The following EFCAB7 variants were observed in gnomAD, a reference collection of about 807,000 sequenced individuals.
The protein encoded by EFCAB7 is EF-hand calcium binding domain 7, also known as EF-hand calcium-binding domain-containing protein 7.
A neutral mutation model predicts 77.1 loss-of-function variants in EFCAB7; 66 were observed. That is an observed-to-expected ratio of 0.86 (90% CI 0.70 to 1.05). The LOEUF (loss-of-function observed/expected upper bound fraction) is 1.05. Among genes scored for constraint, EFCAB7 ranks in the 50% least tolerant of loss-of-function variants. The pLI, the probability that EFCAB7 is intolerant of heterozygous loss-of-function variation, is 0.00. For missense variants in EFCAB7, 638 were observed against 730.5 expected, an observed-to-expected ratio of 0.87 and a Z score of 1.46; for synonymous variants, 225 against 243.3, an observed-to-expected ratio of 0.92 and a Z score of 0.70.
At chr1:63,539,348 C>T (rs188515077) in intron 6 of EFCAB7, among the ~76,000 whole-genome samples, 135 of 152,228 alleles carry the variant, frequency 8.9e-4, no homozygotes, top group African/African-American at 3.2e-3. Context: ...TTTGCAGCTA[C>T]TAAATTCTAC....
intron 4 of EFCAB7, among the ~76,000 whole-genome samples, 181 bp from the exon 5 acceptor site, chr1:63,533,273 A>G (rs1179290272): frequency 2.0e-5 from 3 of 152,186 alleles, no homozygotes; most frequent in African/African-American, 7.2e-5. Flanking sequence ...AATCACGGCT[A>G]CATTTCACTA....
At chr1:63,579,114 T>C in the EFCAB7 span, among the ~76,000 whole-genome samples, 2 of 152,146 alleles carry the variant, frequency 1.3e-5, no homozygotes, top group Non-Finnish European at 2.9e-5. Flanking sequence ...GTTCTATTAA[T>C]GTAACACATG....
Position 63,572,478 on chromosome 1 carries a change from G to A in EFCAB7, c.1852G>A (p.Glu618Lys). ...TGTAATGCCTTTGAATGAACGACAA[G>A]AATGGATATATTATTGTATATATTC... Reference protein sequence around the residue: ...QHVMPLNERQEWIYYCIYSLI... With the variant: ...QHVMPLNERQKWIYYCIYSLI... Residue 618 changes from glutamate (E) to lysine (K), a missense_variant, in exon 14 of 14, where the codon GAA becomes AAA. Glu to Lys is a moderately conservative substitution (Grantham distance 56). Coordinates refer to ENST00000371088, the MANE Select transcript of EFCAB7 (RefSeq NM_032437.4). The A allele has an allele frequency of 1.9e-6, 3 of 1,566,670 alleles. No homozygotes were observed. The highest frequency in any genetic ancestry group is 2.6e-6 in the Non-Finnish European group (3 of 1,154,290).
In EFCAB7 at chr1:63,544,808, C is replaced by G. The variant is rs368934290; in HGVS notation, c.805-1108C>G. On this transcript the variant is annotated intron_variant, in intron 6 of 13. Coordinates refer to ENST00000371088, the MANE Select transcript of EFCAB7 (RefSeq NM_032437.4). ...AGTCATTTTTTCTTTCAATATATTTCTTTTAGCAATCCTTAATTCTTCCTT... is the reference window on the plus strand; with the variant it reads ...AGTCATTTTTTCTTTCAATATATTTGTTTTAGCAATCCTTAATTCTTCCTT... Among the ~76,000 whole-genome samples the G allele has an allele frequency of 2.0e-3, 306 of 152,270 alleles. 11 individuals are homozygous for G. In the South Asian group the frequency reaches 0.062, roughly 31 times the overall value.
chr1:63,570,639 T>C (rs1332436883), intron 12 of EFCAB7: 1 of 154,628 alleles, frequency 6.5e-6, no homozygotes, highest in East Asian at 1.9e-4. Context: ...AAAGATGTTT[T>C]AGACATATTA....
intron 3 of EFCAB7, 39 bp from the exon 4 acceptor site, chr1:63,532,631 T>A: frequency 6.6e-7 from 1 of 1,522,228 alleles, no homozygotes. Flanking sequence ...AAAGGAGTAA[T>A]CATGTTGCTT....
chr1:63,572,744 A>G (rs1475411481), downstream of EFCAB7: 1 of 838,582 alleles, frequency 1.2e-6, no homozygotes, highest in Non-Finnish European at 1.5e-6. Context: ...TTTTTTTCTC[A>G]GCAATAAGGC....
intron 6 of EFCAB7, among the ~76,000 whole-genome samples, chr1:63,539,976 A>G (rs1293452650): frequency 6.6e-6 from 1 of 152,156 alleles, no homozygotes; most frequent in African/African-American, 2.4e-5. Context: ...GTCTGAGGTA[A>G]TGCCAGCATC....
intron 7 of EFCAB7, chr1:63,547,668 G>A (rs182416540): frequency 2.6e-5 from 4 of 152,294 alleles, no homozygotes; most frequent in Admixed American, 6.5e-5. Context: ...CTTAGTCTGA[G>A]CCAGGCTTGT....
At chr1:63,577,601 G>C (rs1647460418), downstream of EFCAB7, among the ~76,000 whole-genome samples, 1 of 152,172 alleles carries the variant, frequency 6.6e-6, no homozygotes, top group African/African-American at 2.4e-5. Flanking sequence ...AAAAATAGGA[G>C]TAGACTAGGC....
In EFCAB7 at chr1:63,534,202, C is replaced by A; in HGVS notation, c.790C>A (p.Pro264Thr). 1 of 1,611,716 alleles carries A rather than the reference C, an allele frequency of 6.2e-7. No individual in the cohort carries two copies. Among genetic ancestry groups the A allele is most frequent in the Non-Finnish European group, 8.5e-7 (1 of 1,178,704 alleles). The change falls in exon 6 of 14, where the codon CCA (proline) becomes ACA (threonine). Residue 264 changes from proline (P) to threonine (T), a missense_variant. By Grantham distance (38) the Pro-to-Thr change is conservative. Transcript: ENST00000371088. ...NGNRNSKLME[P>T]NLIKDWQHMQ... ...TAACCGAAACTCAAAGTTAATGGAG[C>A]CAAATTTAATAAAGGTATAGTATTT... is the stretch of plus-strand genomic sequence containing the variant.
At chr1:63,551,302 T>C (rs1198728158) in intron 7 of EFCAB7, among the ~76,000 whole-genome samples, 1 of 152,126 alleles carries the variant, frequency 6.6e-6, no homozygotes, top group East Asian at 1.9e-4. Context: ...CACATAAAAA[T>C]GGAATATGGG....
chr1:63,534,440 AC>A, intron 6 of EFCAB7: 1 of 343,848 alleles, frequency 2.9e-6, no homozygotes, highest in Non-Finnish European at 5.2e-6. Context: ...AAGTTTTATA[AC>A]CTGATGAGTA....
intron 6 of EFCAB7, among the ~76,000 whole-genome samples, chr1:63,543,493 A>C (rs1646854012): frequency 6.6e-6 from 1 of 152,232 alleles, no homozygotes; most frequent in Non-Finnish European, 1.5e-5. Flanking sequence ...ACATAAGGTC[A>C]GTATTAGAAA....
In EFCAB7 at chr1:63,534,232, T is replaced by A; in HGVS notation, c.804+16T>A. 1 of 1,604,642 alleles carries A rather than the reference T, an allele frequency of 6.2e-7. No homozygotes were observed. The highest frequency in any genetic ancestry group is 8.5e-7 in the Non-Finnish European group (1 of 1,175,018). On this transcript the variant is annotated intron_variant, in intron 6 of 13. Coordinates refer to ENST00000371088, the MANE Select transcript of EFCAB7 (RefSeq NM_032437.4). ...TTTAATAAAGGTATAGTATTTTAAG[T>A]TAACAGATGACTTTTTCTGAAAAAA...
chr1:63,578,502 C>T, the EFCAB7 span, among the ~76,000 whole-genome samples: 46 of 149,536 alleles, frequency 3.1e-4, no homozygotes, highest in South Asian at 8.0e-3. Context: ...AGTGCAGTGG[C>T]GCAATCTCAG....
chr1:63,582,044 C>A, the EFCAB7 span, among the ~76,000 whole-genome samples: 5 of 152,240 alleles, frequency 3.3e-5, no homozygotes, highest in African/African-American at 1.2e-4. Context: ...CCTCCTGCTG[C>A]TATTGCAGTA....
chr1:63,570,079 C>T (rs1647219348), intron 12 of EFCAB7: 1 of 152,168 alleles, frequency 6.6e-6, no homozygotes, highest in East Asian at 1.9e-4. Context: ...TTACTTCTCA[C>T]AACAACCCTA....
chr1:63,544,505 C>T (rs182612858), intron 6 of EFCAB7, among the ~76,000 whole-genome samples: 5 of 152,136 alleles, frequency 3.3e-5, no homozygotes, highest in Non-Finnish European at 2.9e-5. Context: ...CTCTGCCTCC[C>T]GGATTCAAGC....
Sources: allele counts gnomAD v4.1 joint callset (sites outside exome capture counted in the v4.1 genomes callset), GRCh38; gene constraint gnomAD v4.1.1; transcripts MANE v1.5; gene names NCBI Gene and HGNC (gene_info 2026-07-23, HGNC 2026-07-21).